TPGS2: variants seen among roughly 807,000 people sequenced by gnomAD.
TPGS2 encodes the protein polyglutamylase subunit 2.
In TPGS2, 26 loss-of-function variants were observed where a neutral mutation model predicts 31.1. The ratio of observed to expected loss-of-function variants is 0.84; its 90% CI spans 0.61 to 1.16. The LOEUF (loss-of-function observed/expected upper bound fraction) is 1.16, where lower values mean the gene tolerates loss of function less well. TPGS2 is among the 50% of genes most tolerant of loss of function. TPGS2 has a pLI of 0.00. For missense variants in TPGS2, 351 were observed against 363.8 expected (o/e 0.96, Z 0.29); for synonymous variants, 130 against 136.6 (o/e 0.95, Z 0.34).
In TPGS2 at chr18:36,828,731, T is replaced by G; in HGVS notation, c.37A>C (p.Ser13Arg). 2.5e-6 allele frequency: 4 copies of G among 1,614,078 alleles called. No individual in the cohort carries two copies. The highest frequency in any genetic ancestry group is 2.2e-5 in the East Asian group (1 of 44,856). ...EEASSPGLGC[S>R]KPHLEKLTLG... ...GTCAGCTTCTCCAGGTGCGGCTTGC[T>G]GCAGCCCAGCCCCGGGGACGATGCC... Residue 13 changes from serine to arginine, a missense_variant, in exon 1 of 7, where the codon AGC becomes CGC. By Grantham distance (110) the Ser-to-Arg change is moderately radical. Coordinates refer to ENST00000334295, the MANE Select transcript of TPGS2 (RefSeq NM_015476.4).
At chr18:36,786,741 A>ACT (rs1278685679) in intron 6 of TPGS2, 1 of 1,161,080 alleles carries the variant, frequency 8.6e-7, no homozygotes, top group Admixed American at 4.2e-5. Flanking sequence ...ATGGTCAGAA[A>ACT]CTCAGTTTCT....
intron 6 of TPGS2, among the ~76,000 whole-genome samples, chr18:36,797,599 A>T (rs1315713084): frequency 3.3e-5 from 5 of 149,866 alleles, no homozygotes; most frequent in Non-Finnish European, 5.9e-5. Flanking sequence ...AATGTTGACC[A>T]GATAAATGTT....
intron 1 of TPGS2, among the ~76,000 whole-genome samples, chr18:36,827,886 C>T (rs1197502320): frequency 1.3e-5 from 2 of 152,108 alleles, no homozygotes; most frequent in East Asian, 3.9e-4. Flanking sequence ...TTTAACCTCA[C>T]GTCTAACATA....
intron 3 of TPGS2, chr18:36,807,436 A>C: frequency 1.2e-5 from 2 of 164,934 alleles, no homozygotes; most frequent in Non-Finnish European, 2.6e-5. Context: ...GATGGTGGGA[A>C]TAAAGGAAGA....
At chr18:36,798,939 G>C (rs541922652) in intron 5 of TPGS2, among the ~76,000 whole-genome samples, 1 of 152,150 alleles carries the variant, frequency 6.6e-6, no homozygotes, top group African/African-American at 2.4e-5. Context: ...CCCCCGGTAG[G>C]GGGGCGGAAT....
chr18:36,828,564 A>G, intron 1 of TPGS2, 119 bp downstream of exon 1: 1 of 1,104,472 alleles, frequency 9.1e-7, no homozygotes, highest in Non-Finnish European at 1.3e-6. Flanking sequence ...CGGAAGTCCC[A>G]GCAGCGATGT....
At chr18:36,784,140 T>C (rs2044077451) in intron 6 of TPGS2, among the ~76,000 whole-genome samples, 1 of 152,214 alleles carries the variant, frequency 6.6e-6, no homozygotes, top group Non-Finnish European at 1.5e-5. Context: ...GTTGAACTGC[T>C]AGCCTCCAGA....
chr18:36,789,224 G>C (rs79778046), downstream of TPGS2: 8 of 152,140 alleles, frequency 5.3e-5, no homozygotes, highest in African/African-American at 1.9e-4. Flanking sequence ...CTTAAGATTA[G>C]GTAAATATCC....
intron 1 of TPGS2, among the ~76,000 whole-genome samples, chr18:36,823,343 G>C (rs2045974901): frequency 6.6e-6 from 1 of 152,086 alleles, no homozygotes; most frequent in African/African-American, 2.4e-5. Context: ...GGCCACTCTC[G>C]GCTTGCAGAG....
At chr18:36,813,958 G>A (rs2045544742) in intron 2 of TPGS2, among the ~76,000 whole-genome samples, 1 of 152,146 alleles carries the variant, frequency 6.6e-6, no homozygotes, top group Non-Finnish European at 1.5e-5. Flanking sequence ...AATTCACAGT[G>A]GGGCGTGTAA....
intron 6 of TPGS2, chr18:36,786,656 T>C (rs2044137394): frequency 2.3e-6 from 1 of 426,642 alleles, no homozygotes; most frequent in African/African-American, 2.0e-5. Context: ...TTAATATCAA[T>C]GCTGATCAGT....
intron 5 of TPGS2, 42 bp downstream of exon 5, chr18:36,800,156 C>G: frequency 6.3e-7 from 1 of 1,575,088 alleles, no homozygotes; most frequent in Non-Finnish European, 8.7e-7. Flanking sequence ...TCAGGCAAGA[C>G]CCTAGCCAAA....
In TPGS2 at chr18:36,795,255, A is replaced by C. The variant is rs1257087826; in HGVS notation, c.*1550T>G. ...TCCTGTGGACTGCTCTTAGTTCCCC[A>C]GTGGGTTTGGAAGAGGGAAACCCTG... On this transcript the variant is annotated 3_prime_UTR_variant, in exon 7 of 7. Coordinates refer to ENST00000334295, the MANE Select transcript of TPGS2 (RefSeq NM_015476.4). 1 of 985,324 alleles carries C rather than the reference A, an allele frequency of 1.0e-6. No individual in the cohort carries two copies. Among genetic ancestry groups the C allele is most frequent in the Non-Finnish European group, 1.2e-6 (1 of 829,950 alleles). 61.0% of individuals were successfully genotyped at this position (985,324 alleles called of 1,614,324 possible). A position where few individuals can be genotyped will look rare whatever the true frequency, so the allele number is the denominator to read the frequency against.
chr18:36,806,850 TAAAAA>T (rs397962723), intron 3 of TPGS2, among the ~76,000 whole-genome samples: 5 of 37,336 alleles, frequency 1.3e-4, no homozygotes, highest in African/African-American at 6.0e-4. Flanking sequence ...GACTCCATCT[TAAAAA>T]AAAAAAAAAA....
At chr18:36,823,738 G>A in intron 1 of TPGS2, 1 of 735,290 alleles carries the variant, frequency 1.4e-6, no homozygotes. Flanking sequence ...GGGATTACAG[G>A]CGTGAGCCAC....
At chr18:36,825,100 A>AT (rs2046070716) in intron 1 of TPGS2, among the ~76,000 whole-genome samples, 1 of 152,092 alleles carries the variant, frequency 6.6e-6, no homozygotes, top group Admixed American at 6.6e-5. Context: ...TTGAAAAACT[A>AT]TTTTTTCCCA....
rs2044509604 is a variant in TPGS2 at position 36,796,007 on chromosome 18, A to G, written c.*798T>C. On this transcript the variant is annotated 3_prime_UTR_variant, in exon 7 of 7. Transcript: ENST00000334295. ...CTTCTTTAAAAAGTTAATAAGGAAG[A>G]TAATTGTGGAACGTGTACAAACATC... is the stretch of plus-strand genomic sequence containing the variant. The G allele has an allele frequency of 2.0e-6, 2 of 985,372 alleles. No individual in the cohort carries two copies. Among genetic ancestry groups the G allele is most frequent in the Non-Finnish European group, 2.4e-6 (2 of 829,946 alleles). 61.0% of individuals were successfully genotyped at this position (985,372 alleles called of 1,614,324 possible). A position where few individuals can be genotyped will look rare whatever the true frequency, so the allele number is the denominator to read the frequency against.
chr18:36,815,398 T>C (rs1270245082), intron 2 of TPGS2, among the ~76,000 whole-genome samples: 1 of 152,138 alleles, frequency 6.6e-6, no homozygotes, highest in Non-Finnish European at 1.5e-5. Flanking sequence ...AAAAACCTGT[T>C]TTAAACTTTT....
In TPGS2 at chr18:36,818,853, C is replaced by G. The variant is rs775504674; in HGVS notation, c.165+41G>C. ...CCTTCTCAGGGACATTTACACTGAC[C>G]TCTCTTTGATGGGAGGTAGAGTTCA... On this transcript the variant is annotated intron_variant, in intron 2 of 6. Coordinates refer to ENST00000334295, the MANE Select transcript of TPGS2 (RefSeq NM_015476.4). The G allele has an allele frequency of 6.0e-5, 94 of 1,565,018 alleles. 1 individual carries two copies. The highest frequency in any genetic ancestry group is 1.9e-4 in the South Asian group (17 of 88,332).
Sources: allele counts gnomAD v4.1 joint callset (sites outside exome capture counted in the v4.1 genomes callset), GRCh38; gene constraint gnomAD v4.1.1; transcripts MANE v1.5; gene names NCBI Gene and HGNC (gene_info 2026-07-23, HGNC 2026-07-21).